Variants in ZC4H2 observed in about 807,000 individuals in gnomAD.
The protein encoded by ZC4H2 is zinc finger C4H2-type containing.
For missense variants in ZC4H2, 137 were observed against 173.9 expected (o/e 0.79, Z 1.19); for synonymous variants, 84 against 66.3 (o/e 1.27, Z -1.30).
Position 64,986,921 on chromosome X carries a change from C to CTTTT in ZC4H2, c.-272+47704_-272+47707dup, listed in dbSNP as rs1028871395. On this transcript the variant is annotated intron_variant, in intron 1 of 4. Transcript: ENST00000337990. ...TTCCGTAGACACAGACAAGATAATT[C>CTTTT]TTTTTTTTTTTTTTTTTTTTTTATG... 1.6e-3 allele frequency among the ~76,000 whole-genome samples: 124 copies of CTTTT among 79,565 alleles called. 3 individuals are homozygous for CTTTT. Among genetic ancestry groups the CTTTT allele is most frequent in the Middle Eastern group, 6.3e-3 (1 of 159 alleles). The allele number at this position is 79,565 out of a possible 115,157, so 69.1% of individuals were successfully genotyped here.
chrX:65,034,736 G>C (rs769443063), upstream of ZC4H2: 3 of 113,318 alleles, frequency 2.6e-5, no homozygotes, highest in East Asian at 8.5e-4. Context: ...GGCAGCAGTC[G>C]CCGACAGGGG....
chrX:64,919,636 A>G (rs1257129331), intron 3 of ZC4H2: 2 of 140,933 alleles, frequency 1.4e-5, no homozygotes, highest in Admixed American at 1.6e-4. Context: ...AGGCAAGCCT[A>G]GTTCTTAACT....
chrX:65,003,782 C>A lies in ZC4H2; in HGVS notation c.-272+30847G>T, dbSNP rs892952715. Among the ~76,000 whole-genome samples the A allele has an allele frequency of 3.7e-5, 4 of 108,759 alleles. 1 individual carries two copies. The highest frequency in any genetic ancestry group is 2.0e-4 in the Admixed American group (2 of 10,152). The allele number at this position is 108,759 out of a possible 115,157, so 94.4% of individuals were successfully genotyped here. ...GTCCCAGCTACTTGGGAGGCTGAGG[C>A]AGGAGAATGGCGTGAACCCCGGAGG... On this transcript the variant is annotated intron_variant, in intron 1 of 4. Coordinates refer to the ZC4H2 transcript ENST00000337990.
intron 1 of ZC4H2, among the ~76,000 whole-genome samples, chrX:64,929,959 CA>C (rs1001332456): frequency 1.8e-5 from 2 of 111,353 alleles, no homozygotes; most frequent in Non-Finnish European, 3.8e-5. Context: ...TTACTTTGGG[CA>C]GTATGGTCAT....
At chrX:65,025,552 TC>T (rs1932872211) in intron 1 of ZC4H2, among the ~76,000 whole-genome samples, 1 of 111,436 alleles carries the variant, frequency 9.0e-6, no homozygotes, top group South Asian at 3.8e-4. Flanking sequence ...ACTCCTCAGC[TC>T]CGAGTGAGAG....
At chrX:64,973,188 TTTTA>T (rs1304777992) in intron 1 of ZC4H2, among the ~76,000 whole-genome samples, 3 of 111,155 alleles carry the variant, frequency 2.7e-5, no homozygotes, top group Non-Finnish European at 5.7e-5. Flanking sequence ...AAGTCTGCCT[TTTTA>T]TTTTTTTTTC....
chrX:64,953,145 C>T (rs1349575908), intron 1 of ZC4H2, among the ~76,000 whole-genome samples: 1 of 112,039 alleles, frequency 8.9e-6, no homozygotes, highest in East Asian at 2.8e-4. Context: ...TGGATCCCTT[C>T]CTTACACCTT....
Position 64,965,464 on chromosome X carries a change from C to A in ZC4H2, c.53+10861G>T, listed in dbSNP as rs768428263. ...TCCTTAACCCGTACCTTGCAACATA[C>A]AAAAAAATTAAGTGAAAATGGATCA... is the stretch of plus-strand genomic sequence containing the variant. On this transcript the variant is annotated intron_variant, in intron 1 of 4. Transcript: ENST00000374839. 456 of 319,378 alleles carry A rather than the reference C, an allele frequency of 1.4e-3. 2 individuals are homozygous for A. The highest frequency in any genetic ancestry group is 1.9e-3 in the Non-Finnish European group (319 of 165,860). 26.3% of individuals were successfully genotyped at this position (319,378 alleles called of 1,213,427 possible).
intron 1 of ZC4H2, among the ~76,000 whole-genome samples, chrX:65,028,376 T>G (rs1210928123): frequency 8.9e-6 from 1 of 112,377 alleles, no homozygotes; most frequent in African/African-American, 3.2e-5. Flanking sequence ...TTCTAGTGAT[T>G]CAACTTATTC....
At chrX:64,920,278 C>A in intron 2 of ZC4H2, 25 bp from the exon 3 acceptor site, 3 of 1,195,826 alleles carry the variant, frequency 2.5e-6, no homozygotes, top group Non-Finnish European at 3.4e-6. Flanking sequence ...GGGATAGGCA[C>A]AGAGAAAAGA....
intron 1 of ZC4H2, among the ~76,000 whole-genome samples, chrX:65,033,795 A>G (rs1932968381): frequency 8.9e-6 from 1 of 112,091 alleles, no homozygotes; most frequent in South Asian, 3.7e-4. Context: ...ACAGGTTAAG[A>G]ATCTTAGCTC....
intron 1 of ZC4H2, among the ~76,000 whole-genome samples, chrX:65,030,999 T>C (rs1165253585): frequency 9.0e-6 from 1 of 111,457 alleles, no homozygotes; most frequent in East Asian, 2.8e-4. Context: ...CCCTCCCTTG[T>C]TGGACTCAGA....
chrX:65,001,255 AG>A (rs1432293193), intron 1 of ZC4H2, among the ~76,000 whole-genome samples: 1 of 112,134 alleles, frequency 8.9e-6, no homozygotes, highest in Non-Finnish European at 1.9e-5. Flanking sequence ...GAACCCTAGA[AG>A]CCAGAAGATT....
intron 3 of ZC4H2, 152 bp from the exon 4 acceptor site, chrX:64,919,356 G>C: frequency 1.8e-6 from 1 of 559,369 alleles, no homozygotes; most frequent in Non-Finnish European, 2.8e-6. Context: ...TTGTCCCTGG[G>C]TACTAGGCCC....
At chrX:64,970,620 T>A (rs779643812) in intron 1 of ZC4H2, among the ~76,000 whole-genome samples, 1 of 110,512 alleles carries the variant, frequency 9.0e-6, no homozygotes, top group Non-Finnish European at 1.9e-5. Flanking sequence ...CCCTGTGGAG[T>A]CTGTGGTTGG....
At chrX:64,943,590 C>T (rs1164391479) in intron 1 of ZC4H2, among the ~76,000 whole-genome samples, 1 of 89,965 alleles carries the variant, frequency 1.1e-5, no homozygotes, top group Non-Finnish European at 1.9e-5. Flanking sequence ...ATGTAATATC[C>T]TTCGTCTTTC....
upstream of ZC4H2, among the ~76,000 whole-genome samples, chrX:64,978,413 G>C (rs755321275): frequency 8.9e-6 from 1 of 112,148 alleles, no homozygotes; most frequent in African/African-American, 3.2e-5. Flanking sequence ...AAAGAACATT[G>C]AGTTGGTTAG....
intron 3 of ZC4H2, 22 bp downstream of exon 3, chrX:64,920,059 G>C (rs748708107): frequency 2.8e-5 from 34 of 1,202,058 alleles, no homozygotes; most frequent in Non-Finnish European, 3.6e-5. Flanking sequence ...TATGTTGTAG[G>C]GACTGGGGGC....
At chrX:65,034,546 A>AG (rs1932983420) in intron 1 of ZC4H2, 2 of 112,431 alleles carry the variant, frequency 1.8e-5, no homozygotes, top group African/African-American at 6.5e-5. Context: ...GTGCCTGTCG[A>AG]GGGGCTGGGA....
Sources: allele counts gnomAD v4.1 joint callset (sites outside exome capture counted in the v4.1 genomes callset), GRCh38; gene constraint gnomAD v4.1.1; transcripts MANE v1.5; gene names NCBI Gene and HGNC (gene_info 2026-07-23, HGNC 2026-07-21).